TMEM109: variants seen among roughly 807,000 people sequenced by gnomAD.
TMEM109 encodes voltage-gated monoatomic cation channel TMEM109.
TMEM109 carries 19 observed loss-of-function variants against 26.4 expected under a neutral mutation model. The ratio of observed to expected loss-of-function variants is 0.72; its 90% CI spans 0.50 to 1.06. The LOEUF is 1.06. TMEM109 is among the 50% of genes least tolerant of loss of function. The pLI is 0.00. For synonymous variants in TMEM109, 129 were observed against 142.0 expected (o/e 0.91, Z 0.65); for missense variants, 262 against 303.4 (o/e 0.86, Z 1.01).
chr11:60,919,955 C>A, intron 2 of TMEM109, 25 bp downstream of exon 2: 1 of 1,580,190 alleles, frequency 6.3e-7, no homozygotes. Context: ...CCCTGTGTGA[C>A]TACACACATT....
At chr11:60,918,798 AG>A in intron 1 of TMEM109, 1 of 152,192 alleles carries the variant, frequency 6.6e-6, no homozygotes, top group South Asian at 2.1e-4. Context: ...GGGGGTGGGG[AG>A]GTGAGGTCAC....
chr11:60,919,642 G>A, intron 1 of TMEM109, 44 bp from the exon 2 acceptor site: 2 of 1,480,582 alleles, frequency 1.4e-6, no homozygotes, highest in African/African-American at 2.8e-5. Context: ...GAGGGTGAGT[G>A]TGTCTACCAT....
rs529735894 is a variant in TMEM109 at position 60,918,041 on chromosome 11, CAG to C, written c.-8-1643_-8-1642del. Reference sequence around the variant, plus strand: ...TTGTTGTGTATGAGGGGTCCAATGTCAGAAGTACCTACATTCAAATGCTGATT... The same window carrying C: ...TTGTTGTGTATGAGGGGTCCAATGTCAAGTACCTACATTCAAATGCTGATT... On this transcript the variant is annotated intron_variant, in intron 1 of 3. Transcript: ENST00000227525. 1.3e-4 allele frequency among the ~76,000 whole-genome samples: 20 copies of C among 152,222 alleles called. 1 individual carries two copies. In the South Asian group the frequency reaches 4.1e-3, roughly 32 times the overall value.
chr11:60,920,490 C>T (rs557509824), intron 2 of TMEM109, among the ~76,000 whole-genome samples: 28 of 152,304 alleles, frequency 1.8e-4, no homozygotes, highest in South Asian at 6.2e-4. Context: ...ATGTTCTCCA[C>T]GCACCTTCAT....
At chr11:60,919,625 G>C in intron 1 of TMEM109, 61 bp from the exon 2 acceptor site, 1 of 1,366,788 alleles carries the variant, frequency 7.3e-7, no homozygotes, top group South Asian at 1.2e-5. Flanking sequence ...GGGATAATCA[G>C]AGCTGAGAGG....
chr11:60,917,647 A>G (rs1031515001), intron 1 of TMEM109, among the ~76,000 whole-genome samples: 2 of 152,152 alleles, frequency 1.3e-5, no homozygotes, highest in Non-Finnish European at 1.5e-5. Flanking sequence ...ATTTTAACTC[A>G]TGAATAATCT....
intron 1 of TMEM109, among the ~76,000 whole-genome samples, chr11:60,915,876 C>G (rs1216413404): frequency 2.0e-5 from 3 of 152,174 alleles, no homozygotes; most frequent in African/African-American, 7.2e-5. Flanking sequence ...TCCAGACCCA[C>G]CTGAGCCATA....
At chr11:60,916,290 C>T (rs1488741221) in intron 1 of TMEM109, among the ~76,000 whole-genome samples, 1 of 152,186 alleles carries the variant, frequency 6.6e-6, no homozygotes, top group African/African-American at 2.4e-5. Context: ...ACAATAAGCA[C>T]TCTGTGAATT....
chr11:60,922,070 G>A lies in TMEM109; in HGVS notation c.637G>A (p.Glu213Lys). ...TGSRASGAQL[E>K]AKVRGLERQV... The stretch of plus-strand genomic sequence containing the variant: ...CTCCCGAGCCTCTGGGGCCCAACTC[G>A]AGGCCAAGGTGCGAGGGCTGGAACG... The change falls in exon 4 of 4, where the codon GAG (glutamate) becomes AAG (lysine). Residue 213 changes from glutamate (E) to lysine (K), a missense_variant. By Grantham distance (56) the Glu-to-Lys change is moderately conservative. Transcript: ENST00000227525. 1 of 1,613,320 alleles carries A rather than the reference G, an allele frequency of 6.2e-7. No homozygotes were observed. The highest frequency in any genetic ancestry group is 8.5e-7 in the Non-Finnish European group (1 of 1,179,948).
At chr11:60,921,447 G>A (rs1279211465) in intron 3 of TMEM109, among the ~76,000 whole-genome samples, 4 of 151,992 alleles carry the variant, frequency 2.6e-5, no homozygotes, top group Non-Finnish European at 5.9e-5. Context: ...AAGAACTTCC[G>A]CCACCACGTG....
intron 1 of TMEM109, among the ~76,000 whole-genome samples, chr11:60,915,143 A>G (rs1294738971): frequency 2.0e-5 from 3 of 152,260 alleles, no homozygotes; most frequent in Admixed American, 2.0e-4. Flanking sequence ...TGGGGAAGGC[A>G]GGTTGATAAA....
At chr11:60,919,640 G>A (rs1361372806) in intron 1 of TMEM109, 46 bp from the exon 2 acceptor site, 3 of 1,475,000 alleles carry the variant, frequency 2.0e-6, no homozygotes, top group African/African-American at 1.4e-5. Context: ...GAGAGGGTGA[G>A]TGTGTCTACC....
At position 60,922,079 on chromosome 11, in the gene TMEM109, G is replaced by A; in HGVS notation, c.646G>A (p.Val216Met). 1 of 1,613,434 alleles carries A rather than the reference G, an allele frequency of 6.2e-7. No homozygotes were observed. Among genetic ancestry groups the A allele is most frequent in the Non-Finnish European group, 8.5e-7 (1 of 1,179,928 alleles). Residue 216 changes from valine (V) to methionine (M), a missense_variant, in exon 4 of 4, where the codon GTG (valine) becomes ATG (methionine). Transcript: ENST00000227525. Reference sequence around the variant, plus strand: ...CTCTGGGGCCCAACTCGAGGCCAAGGTGCGAGGGCTGGAACGCCAGGTGGA... The same window carrying A: ...CTCTGGGGCCCAACTCGAGGCCAAGATGCGAGGGCTGGAACGCCAGGTGGA... ...RASGAQLEAKVRGLERQVEEL... is the reference protein window; with the variant it reads ...RASGAQLEAKMRGLERQVEEL...
intron 2 of TMEM109, 28 bp downstream of exon 2, chr11:60,919,958 C>A (rs765477335): frequency 1.9e-6 from 3 of 1,579,562 alleles, no homozygotes; most frequent in African/African-American, 2.7e-5. Flanking sequence ...TGTGTGACTA[C>A]ACACATTAAG....
chr11:60,921,880 C>T lies in TMEM109; in HGVS notation c.447C>T (p.Leu149=), dbSNP rs761635924. 15 of 1,614,078 alleles carry T rather than the reference C, an allele frequency of 9.3e-6. No homozygotes were observed. The highest frequency in any genetic ancestry group is 2.2e-5 in the East Asian group (1 of 44,892). The change falls in exon 4 of 4, where the codon CTC becomes CTT. Residue 149 remains leucine (L), a synonymous_variant. Transcript: ENST00000227525. ...LVVYWLLSLL[L]GLVLALLGRI... is the part of the protein sequence containing the mutation. ...TCTACTGGCTGCTGTCTCTGCTCCTCGGCTTGGTCTTGGCCTTGCTGGGGC... is the reference window on the plus strand; with the variant it reads ...TCTACTGGCTGCTGTCTCTGCTCCTTGGCTTGGTCTTGGCCTTGCTGGGGC...
Position 60,921,973 on chromosome 11 carries a change from T to C in TMEM109, c.540T>C (p.Pro180=), listed in dbSNP as rs555835. 0.66 allele frequency: 1,062,510 copies of C among 1,613,514 alleles called. 355,468 individuals are homozygous for C. The highest frequency in any genetic ancestry group is 0.97 in the East Asian group (43,594 of 44,874). Residue 180 remains proline (P), a synonymous_variant, in exon 4 of 4, where the codon CCT becomes CCC. Transcript: ENST00000227525. ...TCGTGGCCCTGATGAGGTCGGTGCCTGACCCTTCCACCCGGGCCCTGCTAC... is the reference window on the plus strand; with the variant it reads ...TCGTGGCCCTGATGAGGTCGGTGCCCGACCCTTCCACCCGGGCCCTGCTAC... The part of the protein sequence containing the change: ...AGFVALMRSV[P]DPSTRALLLL...
chr11:60,921,403 G>C (rs956074111), intron 3 of TMEM109, among the ~76,000 whole-genome samples: 4 of 152,064 alleles, frequency 2.6e-5, no homozygotes, highest in Non-Finnish European at 5.9e-5. Flanking sequence ...CTCGGCGATG[G>C]AGCAAAACCC....
chr11:60,915,749 AG>A (rs71471807), intron 1 of TMEM109, among the ~76,000 whole-genome samples: 10 of 151,452 alleles, frequency 6.6e-5, no homozygotes, highest in African/African-American at 1.5e-4. Context: ...CTTGATTGGG[AG>A]GGGGGGGCGC....
rs750181700 is a variant in TMEM109, at chr11:60,921,882, G to A, written c.449G>A (p.Gly150Asp). 3.7e-6 allele frequency: 6 copies of A among 1,614,064 alleles called. No individual in the cohort carries two copies. The highest frequency in any genetic ancestry group is 1.7e-5 in the Admixed American group (1 of 60,012). Residue 150 changes from glycine (G) to aspartate (D), a missense_variant, in exon 4 of 4, where the codon GGC becomes GAC. Coordinates refer to ENST00000227525, the MANE Select transcript of TMEM109 (RefSeq NM_024092.3). ...VVYWLLSLLL[G>D]LVLALLGRIL... ...TACTGGCTGCTGTCTCTGCTCCTCG[G>A]CTTGGTCTTGGCCTTGCTGGGGCGG...
Sources: gnomAD v4.1 joint callset for allele counts (sites outside exome capture counted in the v4.1 genomes callset) on GRCh38, gnomAD v4.1.1 for gene constraint, MANE v1.5 for transcripts, NCBI Gene and HGNC (gene_info 2026-07-23, HGNC 2026-07-21) for gene names.